Variants in CNIH3 observed in about 807,000 individuals in gnomAD.
The protein encoded by CNIH3 is cornichon family AMPA receptor auxiliary protein 3.
A neutral mutation model predicts 24.1 loss-of-function variants in CNIH3; 14 were observed. The observed-to-expected ratio is 0.58, with a 90% CI of 0.38 to 0.91. The LOEUF (loss-of-function observed/expected upper bound fraction) is 0.91. Ranked by LOEUF, CNIH3 falls within the 40% of genes least tolerant of loss-of-function variation. CNIH3 has a pLI of 0.00. For synonymous variants in CNIH3, 68 were observed against 73.8 expected, an observed-to-expected ratio of 0.92 and a Z score of 0.40; for missense variants, 178 against 196.8, an observed-to-expected ratio of 0.90 and a Z score of 0.57.
intron 3 of CNIH3, chr1:224,717,864 C>T (rs567576539): frequency 1.3e-5 from 2 of 152,312 alleles, no homozygotes; most frequent in African/African-American, 4.8e-5. Context: ...GAACCTGAGG[C>T]CTGCTAAATT....
intron 1 of CNIH3, among the ~76,000 whole-genome samples, chr1:224,659,109 T>C (rs764751510): frequency 3.3e-5 from 5 of 152,230 alleles, no homozygotes; most frequent in Non-Finnish European, 5.9e-5. Flanking sequence ...CCTCTTCTGC[T>C]ATAGTCCCTG....
chr1:224,464,770 ATTC>A (rs1219146698), intron 1 of CNIH3, among the ~76,000 whole-genome samples: 3 of 152,072 alleles, frequency 2.0e-5, no homozygotes, highest in South Asian at 2.1e-4. Context: ...TTCCAGCTGT[ATTC>A]TTCTTTTTTT....
upstream of CNIH3, among the ~76,000 whole-genome samples, chr1:224,611,886 G>C (rs1366115766): frequency 6.6e-6 from 1 of 152,172 alleles, no homozygotes; most frequent in Non-Finnish European, 1.5e-5. Context: ...ACAGCGCCCA[G>C]AACTATGGAC....
chr1:224,730,354 T>C (rs1689258932), intron 3 of CNIH3, 108 bp from the exon 4 acceptor site: 1 of 691,872 alleles, frequency 1.4e-6, no homozygotes, highest in African/African-American at 1.8e-5. Context: ...AGGGCCTTTG[T>C]GTCAACCGTC....
intron 2 of CNIH3, among the ~76,000 whole-genome samples, chr1:224,523,454 C>A (rs1678722149): frequency 6.6e-6 from 1 of 152,096 alleles, no homozygotes; most frequent in African/African-American, 2.4e-5. Flanking sequence ...GATGAAATAC[C>A]ATAGAGTCTC....
At chr1:224,469,603 G>C (rs537862550) in intron 1 of CNIH3, among the ~76,000 whole-genome samples, 18 of 152,148 alleles carry the variant, frequency 1.2e-4, no homozygotes, top group Non-Finnish European at 1.8e-4. Flanking sequence ...CAAACTTCAG[G>C]CTCAAGCAAT....
At chr1:224,575,528 C>G (rs1681000829) in intron 4 of CNIH3, 1 of 490,170 alleles carries the variant, frequency 2.0e-6, no homozygotes, top group South Asian at 2.2e-5. Context: ...GAGGGTGTGT[C>G]TAGCTTGATG....
At chr1:224,734,199 G>A (rs1689480422) in intron 4 of CNIH3, among the ~76,000 whole-genome samples, 1 of 152,232 alleles carries the variant, frequency 6.6e-6, no homozygotes, top group African/African-American at 2.4e-5. Flanking sequence ...GTAGAATGGA[G>A]GTATGGTGGC....
intron 4 of CNIH3, among the ~76,000 whole-genome samples, chr1:224,577,066 A>G (rs1681065609): frequency 6.6e-6 from 1 of 152,212 alleles, no homozygotes; most frequent in African/African-American, 2.4e-5. Flanking sequence ...AATCAACTTA[A>G]GATGGATAAA....
At chr1:224,502,712 G>T (rs1204402989) in intron 1 of CNIH3, among the ~76,000 whole-genome samples, 2 of 152,226 alleles carry the variant, frequency 1.3e-5, no homozygotes, top group African/African-American at 4.8e-5. Flanking sequence ...CAGCTGAAAA[G>T]ACTGTCCCCT....
intron 1 of CNIH3, among the ~76,000 whole-genome samples, chr1:224,516,310 CTCAAAAA>C (rs1222967544): frequency 1.2e-5 from 1 of 80,976 alleles, no homozygotes; most frequent in Non-Finnish European, 2.1e-5. Context: ...GAGACTCTGT[CTCAAAAA>C]AAAAAAAAAA....
chr1:224,439,507 T>C (rs1674802393), intron 1 of CNIH3, among the ~76,000 whole-genome samples: 1 of 152,164 alleles, frequency 6.6e-6, no homozygotes, highest in Non-Finnish European at 1.5e-5. Flanking sequence ...ACTGCTTAGT[T>C]TGTACTTGCA....
intron 3 of CNIH3, among the ~76,000 whole-genome samples, chr1:224,596,758 C>A (rs1370820499): frequency 1.3e-5 from 2 of 152,150 alleles, no homozygotes; most frequent in African/African-American, 2.4e-5. Context: ...GGCTTTTGTC[C>A]ATTCCCAAAG....
chr1:224,574,575 G>A (rs1558174289), intron 4 of CNIH3: 8 of 779,458 alleles, frequency 1.0e-5, no homozygotes, highest in East Asian at 7.3e-5. Context: ...CTGTGCCCAC[G>A]TGTACCAGAA....
rs183335797 is a variant in CNIH3 at position 224,686,425 on chromosome 1, G to A, written c.198+1582G>A. Among the ~76,000 whole-genome samples the A allele has an allele frequency of 5.7e-3, 873 of 152,198 alleles. 9 individuals are homozygous for A. Among genetic ancestry groups the A allele is most frequent in the African/African-American group, 0.019 (808 of 41,512 alleles). ...CTATCATTTATGGGCATTTGGGTTG[G>A]TTCCAAGTCTTTGCTATTGTGAATA... On this transcript the variant is annotated intron_variant, in intron 3 of 5. Coordinates refer to ENST00000272133, the MANE Select transcript of CNIH3 (RefSeq NM_152495.2).
chr1:224,516,291 C>T (rs1192086888), intron 1 of CNIH3, among the ~76,000 whole-genome samples: 3 of 128,648 alleles, frequency 2.3e-5, no homozygotes, highest in East Asian at 4.6e-4. Context: ...TCCCGCCTGG[C>T]GACAAACCGA....
At chr1:224,682,939 C>T (rs1330696597) in intron 2 of CNIH3, among the ~76,000 whole-genome samples, 2 of 152,218 alleles carry the variant, frequency 1.3e-5, no homozygotes, top group African/African-American at 2.4e-5. Flanking sequence ...TGCTGGGTTG[C>T]AGGTGATTGG....
chr1:224,711,988 C>A (rs749380741), intron 3 of CNIH3, among the ~76,000 whole-genome samples: 12 of 152,086 alleles, frequency 7.9e-5, no homozygotes, highest in Non-Finnish European at 1.3e-4. Flanking sequence ...AACTCCTTAG[C>A]CTGACCTTCA....
intron 3 of CNIH3, among the ~76,000 whole-genome samples, chr1:224,556,999 T>C (rs983940556): frequency 6.6e-6 from 1 of 152,180 alleles, no homozygotes; most frequent in Non-Finnish European, 1.5e-5. Flanking sequence ...GAAGGACCCA[T>C]TCTCAAACAG....
Sources: allele counts gnomAD v4.1 joint callset (sites outside exome capture counted in the v4.1 genomes callset), GRCh38; gene constraint gnomAD v4.1.1; transcripts MANE v1.5; gene names NCBI Gene and HGNC (gene_info 2026-07-23, HGNC 2026-07-21).